Variants in AOAH observed in about 807,000 individuals in gnomAD.
The protein encoded by AOAH is acyloxyacyl hydrolase (neutrophil).
AOAH carries 64 observed loss-of-function variants against 92.2 expected under a neutral mutation model. That is an observed-to-expected ratio of 0.69 (90% confidence interval 0.57 to 0.86). The LOEUF is 0.86. Among genes scored for constraint, AOAH ranks in the 40% least tolerant of loss-of-function variants. AOAH has a pLI of 0.00. For synonymous variants in AOAH, 263 were observed against 254.5 expected (o/e 1.03, Z -0.32); for missense variants, 656 against 694.6 (o/e 0.94, Z 0.62).
chr7:36,594,518 CTG>C (rs1224902475), intron 11 of AOAH, 88 bp from the exon 12 acceptor site: 9 of 1,073,406 alleles, frequency 8.4e-6, no homozygotes, highest in African/African-American at 1.6e-5. Context: ...GTGTTGCTCT[CTG>C]TGTGTCTGTT....
intron 16 of AOAH, among the ~76,000 whole-genome samples, chr7:36,539,533 G>A (rs1785282180): frequency 6.6e-6 from 1 of 152,162 alleles, no homozygotes; most frequent in Admixed American, 6.5e-5. Flanking sequence ...TAGGACTATT[G>A]TGTTTTCTGC....
At chr7:36,563,251 A>AAG (rs1787421918) in intron 13 of AOAH, among the ~76,000 whole-genome samples, 2 of 150,474 alleles carry the variant, frequency 1.3e-5, no homozygotes, top group Admixed American at 1.3e-4. Flanking sequence ...GTCTCCCTCA[A>AAG]ACCTCTTTGG....
chr7:36,554,346 T>G (rs1786518757), intron 13 of AOAH, among the ~76,000 whole-genome samples: 1 of 152,218 alleles, frequency 6.6e-6, no homozygotes, highest in South Asian at 2.1e-4. Context: ...GATCTATATC[T>G]CTGTTTTGGT....
intron 2 of AOAH, among the ~76,000 whole-genome samples, chr7:36,681,304 TA>T (rs749204769): frequency 6.6e-5 from 10 of 152,004 alleles, no homozygotes; most frequent in Non-Finnish European, 1.5e-4. Flanking sequence ...AATAAACAAA[TA>T]AAATATAGAA....
chr7:36,588,311 T>C (rs777958927), intron 12 of AOAH, among the ~76,000 whole-genome samples: 24 of 152,224 alleles, frequency 1.6e-4, no homozygotes, highest in Non-Finnish European at 2.9e-4. Flanking sequence ...TTAGTATTGT[T>C]GTGAAAGTAG....
intron 11 of AOAH, among the ~76,000 whole-genome samples, chr7:36,603,545 G>A (rs1790760559): frequency 6.6e-6 from 1 of 152,152 alleles, no homozygotes; most frequent in African/African-American, 2.4e-5. Flanking sequence ...GCAGAGGCTG[G>A]CAAACTTTTT....
chr7:36,586,278 T>C (rs566807345), intron 12 of AOAH, among the ~76,000 whole-genome samples: 6 of 152,334 alleles, frequency 3.9e-5, no homozygotes, highest in South Asian at 2.1e-4. Flanking sequence ...TCACCCAAGC[T>C]GATGTCATCA....
At chr7:36,714,453 G>C (rs999840260) in intron 1 of AOAH, among the ~76,000 whole-genome samples, 10 of 152,282 alleles carry the variant, frequency 6.6e-5, no homozygotes, top group African/African-American at 2.4e-4. Context: ...TAGAAAAAGA[G>C]GGAATCCTCC....
chr7:36,624,001 G>A (rs1792464634), intron 6 of AOAH, among the ~76,000 whole-genome samples: 1 of 152,168 alleles, frequency 6.6e-6, no homozygotes, highest in African/African-American at 2.4e-5. Context: ...TCTCCATAGG[G>A]CATACGCTGT....
At chr7:36,684,501 G>A (rs1385933345) in intron 2 of AOAH, among the ~76,000 whole-genome samples, 2 of 152,078 alleles carry the variant, frequency 1.3e-5, no homozygotes, top group East Asian at 1.9e-4. Flanking sequence ...AAAATATGAT[G>A]TGAGAAGTGT....
At chr7:36,624,549 C>T (rs1792499457) in intron 6 of AOAH, among the ~76,000 whole-genome samples, 1 of 152,228 alleles carries the variant, frequency 6.6e-6, no homozygotes, top group Non-Finnish European at 1.5e-5. Flanking sequence ...CTACTCTATA[C>T]TTTTGGGGCT....
intron 13 of AOAH, among the ~76,000 whole-genome samples, chr7:36,553,248 C>T (rs887581129): frequency 6.6e-6 from 1 of 151,378 alleles, no homozygotes; most frequent in African/African-American, 2.4e-5. Context: ...CAATAGTTTA[C>T]TGAGAATGAT....
chr7:36,703,653 T>C (rs1319460982), intron 1 of AOAH, among the ~76,000 whole-genome samples: 2 of 152,142 alleles, frequency 1.3e-5, no homozygotes, highest in Non-Finnish European at 2.9e-5. Flanking sequence ...TGTTTGGTTT[T>C]CTGTTCCTGT....
intron 19 of AOAH, among the ~76,000 whole-genome samples, chr7:36,522,857 G>C (rs900440771): frequency 3.3e-5 from 5 of 152,136 alleles, no homozygotes; most frequent in Non-Finnish European, 4.4e-5. Context: ...CGTCCAGTGA[G>C]GGGGGCAGGC....
Position 36,614,127 on chromosome 7 carries a change from G to A in AOAH, c.846+2253C>T, listed in dbSNP as rs1187220605. Among the ~76,000 whole-genome samples the A allele has an allele frequency of 6.6e-6, 1 of 152,204 alleles. No homozygotes were observed. The highest frequency in any genetic ancestry group is 1.9e-4 in the East Asian group (1 of 5,196). ...GAGGGAAGCACATCCATAGGTGGCTGTATGACAGGGCTTCCCCACCGTGCC... is the reference window on the plus strand; with the variant it reads ...GAGGGAAGCACATCCATAGGTGGCTATATGACAGGGCTTCCCCACCGTGCC... On this transcript the variant is annotated intron_variant, in intron 11 of 20. Coordinates refer to ENST00000617537, the MANE Select transcript of AOAH (RefSeq NM_001637.4). This position sits in a 1 kb window ranked among gnomAD's most constrained non-coding sequence, Gnocchi z 4.2.
chr7:36,522,814 G>A (rs553076678), intron 19 of AOAH, among the ~76,000 whole-genome samples: 1 of 152,296 alleles, frequency 6.6e-6, no homozygotes, highest in African/African-American at 2.4e-5. Flanking sequence ...TGAGCCAGCT[G>A]CTCCCGGCAA....
intron 6 of AOAH, among the ~76,000 whole-genome samples, chr7:36,628,969 A>C (rs944296956): frequency 6.6e-6 from 1 of 152,348 alleles, no homozygotes; most frequent in South Asian, 2.1e-4. Context: ...GACCTTGCAC[A>C]AATGATTTTA....
chr7:36,704,885 A>T (rs952597697), intron 1 of AOAH, among the ~76,000 whole-genome samples: 1 of 152,200 alleles, frequency 6.6e-6, no homozygotes, highest in African/African-American at 2.4e-5. Context: ...AGAACCAATG[A>T]CAAAAACCAC....
intron 19 of AOAH, among the ~76,000 whole-genome samples, chr7:36,527,361 C>G (rs1408139223): frequency 2.0e-5 from 3 of 152,092 alleles, no homozygotes; most frequent in Non-Finnish European, 4.4e-5. Flanking sequence ...CATACAGTAC[C>G]AAAATGAGAG....
Sources: allele counts gnomAD v4.1 joint callset (sites outside exome capture counted in the v4.1 genomes callset), GRCh38; gene constraint gnomAD v4.1.1; non-coding constraint Gnocchi (gnomAD v3.1); transcripts MANE v1.5; gene names NCBI Gene and HGNC (gene_info 2026-07-23, HGNC 2026-07-21).